Variants in SUSD1 observed in about 807,000 individuals in gnomAD.
SUSD1 encodes sushi domain-containing protein 1.
Under a neutral mutation model 86.9 loss-of-function variants are expected in SUSD1, and 65 were observed. That is an observed-to-expected ratio of 0.75 (90% CI 0.61 to 0.92). The LOEUF (loss-of-function observed/expected upper bound fraction) is 0.92. SUSD1 is among the 40% of genes least tolerant of loss of function. The probability of loss-of-function intolerance (pLI) is 0.00; values close to 1 mark genes in which losing one functional copy is unlikely to be tolerated. For missense variants in SUSD1, 850 were observed against 929.7 expected, an observed-to-expected ratio of 0.91 and a Z score of 1.11; for synonymous variants, 346 against 350.0, an observed-to-expected ratio of 0.99 and a Z score of 0.13.
chr9:112,098,342 C>T, intron 10 of SUSD1, 128 bp downstream of exon 10: 1 of 928,942 alleles, frequency 1.1e-6, no homozygotes, highest in Non-Finnish European at 1.6e-6. Flanking sequence ...ACGCAGCTAA[C>T]AAAGTTTGTT....
chr9:112,073,532 G>T (rs1250083919), intron 12 of SUSD1, among the ~76,000 whole-genome samples: 2 of 119,006 alleles, frequency 1.7e-5, no homozygotes, highest in Admixed American at 1.3e-4. Flanking sequence ...CCTCTCTCTG[G>T]TTTCCTCTTT....
chr9:112,138,238 T>TATATATATATATATATGTATATACAC (rs1832359772), intron 5 of SUSD1, among the ~76,000 whole-genome samples: 1 of 37,002 alleles, frequency 2.7e-5, no homozygotes, highest in Non-Finnish European at 5.2e-5. Context: ...AAAAAATGTG[T>TATATATATATATATATGTATATACAC]ATATATATAT....
chr9:112,074,794 G>GTT (rs201701501), intron 12 of SUSD1, among the ~76,000 whole-genome samples: 3 of 137,170 alleles, frequency 2.2e-5, no homozygotes, highest in Admixed American at 7.3e-5. Flanking sequence ...AAAGGGGTTG[G>GTT]TTTTTTTTTT....
intron 12 of SUSD1, among the ~76,000 whole-genome samples, chr9:112,077,000 GC>G (rs1210965741): frequency 4.6e-5 from 7 of 152,360 alleles, no homozygotes; most frequent in Admixed American, 4.6e-4. Flanking sequence ...GGGCTGTGGA[GC>G]CTACAGAACA....
intron 12 of SUSD1, among the ~76,000 whole-genome samples, chr9:112,075,202 T>C (rs912376172): frequency 2.0e-5 from 3 of 151,024 alleles, no homozygotes; most frequent in African/African-American, 4.9e-5. Context: ...CAGCCCAAAA[T>C]GTGGGGAATT....
chr9:112,118,370 CCTTT>C (rs1423597846), intron 6 of SUSD1, among the ~76,000 whole-genome samples: 13 of 152,208 alleles, frequency 8.5e-5, no homozygotes, highest in Non-Finnish European at 1.6e-4. Flanking sequence ...TCATGTGTTT[CCTTT>C]CTTTCTTTGA....
chr9:112,087,693 G>T (rs1378276404), intron 10 of SUSD1, among the ~76,000 whole-genome samples: 1 of 152,046 alleles, frequency 6.6e-6, no homozygotes, highest in East Asian at 1.9e-4. Context: ...AGATCAAAAA[G>T]AAGTTAAAAG....
chr9:112,095,123 T>C (rs921937390), intron 10 of SUSD1, among the ~76,000 whole-genome samples: 1 of 152,210 alleles, frequency 6.6e-6, no homozygotes, highest in Non-Finnish European at 1.5e-5. Context: ...ACTGGATGTT[T>C]ATGGCAGGTC....
intron 12 of SUSD1, among the ~76,000 whole-genome samples, chr9:112,063,504 T>C (rs1197334898): frequency 2.6e-5 from 4 of 152,198 alleles, no homozygotes; most frequent in Non-Finnish European, 5.9e-5. Flanking sequence ...TGGCAGAGGA[T>C]AGATGTGGTG....
At chr9:112,104,735 C>T (rs946504970) in intron 8 of SUSD1, 36 of 152,092 alleles carry the variant, frequency 2.4e-4, no homozygotes, top group African/African-American at 8.5e-4. Context: ...TAACATTATC[C>T]AATGAAAAGG....
chr9:112,162,440 T>C (rs10981291), intron 1 of SUSD1, among the ~76,000 whole-genome samples: 20,950 of 152,180 alleles, frequency 0.14, 1,984 homozygotes, highest in East Asian at 0.26. Context: ...AGGAAGCCTG[T>C]AAGAATTTTT....
Position 112,149,394 on chromosome 9 carries a change from T to A in SUSD1, c.223A>T (p.Asn75Tyr). 1 of 1,614,008 alleles carries A rather than the reference T, an allele frequency of 6.2e-7. No individual in the cohort carries two copies. The highest frequency in any genetic ancestry group is 8.5e-7 in the Non-Finnish European group (1 of 1,179,980). Residue 75 changes from asparagine (N) to tyrosine (Y), a missense_variant, in exon 3 of 17, where the codon AAT (asparagine) becomes TAT (tyrosine). Asn to Tyr is a moderately radical substitution (Grantham distance 143). Transcript: ENST00000374270. ...AGAGTGGCTCCAAACTGGCACTCAT[T>A]TTTATCTGTTGACACACAGACAAGG... ...GNGRTQCVDK[N>Y]ECQFGATLVC... is the part of the protein sequence containing the mutation.
intron 1 of SUSD1, among the ~76,000 whole-genome samples, chr9:112,168,152 C>G (rs763257488): frequency 1.3e-5 from 2 of 152,310 alleles, no homozygotes; most frequent in African/African-American, 4.8e-5. Context: ...TAAAATGTGT[C>G]AGACATTGTT....
At chr9:112,152,827 T>C (rs1261081040) in intron 2 of SUSD1, among the ~76,000 whole-genome samples, 1 of 142,222 alleles carries the variant, frequency 7.0e-6, no homozygotes, top group Non-Finnish European at 1.5e-5. Flanking sequence ...TGACCATAGC[T>C]CACTGCAGCC....
chr9:112,052,105 T>C, intron 15 of SUSD1: 1 of 1,339,266 alleles, frequency 7.5e-7, no homozygotes, highest in Non-Finnish European at 9.6e-7. Context: ...GCCAAGTGAC[T>C]CTTAGAAACA....
intron 10 of SUSD1, among the ~76,000 whole-genome samples, chr9:112,086,246 A>C (rs560402671): frequency 2.0e-5 from 3 of 149,204 alleles, no homozygotes; most frequent in East Asian, 2.0e-4. Context: ...TGAGCCCAGG[A>C]GGTCAAAGCT....
In SUSD1 at chr9:112,154,989, G is replaced by A. The variant is rs948562563; in HGVS notation, c.217+2511C>T. ...GGCAGGGCCAGGTGCGGTGGCTCAC[G>A]TCTGTAATCCCAGCACTTTGGGAGT... On this transcript the variant is annotated intron_variant, in intron 2 of 16. Coordinates refer to ENST00000374270, the MANE Select transcript of SUSD1 (RefSeq NM_022486.5). Among the ~76,000 whole-genome samples the A allele has an allele frequency of 5.3e-5, 8 of 151,882 alleles. No individual in the cohort carries two copies. The South Asian group carries it at 6.2e-4, about 12-fold the overall frequency.
rs2296215 is a variant in SUSD1 at position 112,113,150 on chromosome 9, A to G, written c.887-282T>C. On this transcript the variant is annotated intron_variant, in intron 6 of 16. Coordinates refer to ENST00000374270, the MANE Select transcript of SUSD1 (RefSeq NM_022486.5). The surrounding 1 kb of genome is among the most constrained non-coding windows in gnomAD (Gnocchi z 4.1). ...TGTGATTCACCTGACAGGCCACTGG[A>G]TGCCACTGGCATTCCACTCTGGTAG... is the stretch of plus-strand genomic sequence containing the variant. Among the ~76,000 whole-genome samples the G allele has an allele frequency of 0.012, 1,771 of 152,298 alleles. 76 individuals carry two copies. The highest frequency in any genetic ancestry group is 0.11 in the East Asian group (571 of 5,170).
intron 4 of SUSD1, 78 bp from the exon 5 acceptor site, chr9:112,142,577 C>T: frequency 7.2e-7 from 1 of 1,398,264 alleles, no homozygotes; most frequent in East Asian, 2.3e-5. Context: ...CCACCTCTAC[C>T]CTATTCCTCA....
Sources: gnomAD v4.1 joint callset for allele counts (sites outside exome capture counted in the v4.1 genomes callset) on GRCh38, gnomAD v4.1.1 for gene constraint, Gnocchi (gnomAD v3.1) non-coding constraint, MANE v1.5 for transcripts, NCBI Gene and HGNC (gene_info 2026-07-23, HGNC 2026-07-21) for gene names.